UNC13A: variants seen among roughly 807,000 people sequenced by gnomAD.
The protein encoded by UNC13A is protein unc-13 homolog A.
A neutral mutation model predicts 219.7 loss-of-function variants in UNC13A; 61 were observed. That is an observed-to-expected ratio of 0.28 (90% CI 0.23 to 0.34). UNC13A has a LOEUF of 0.34. UNC13A is among the 10% of genes least tolerant of loss of function. The probability of loss-of-function intolerance (pLI) is 1.00; values close to 1 mark genes in which losing one functional copy is unlikely to be tolerated. For missense variants in UNC13A, 1,476 were observed against 2,270.3 expected (o/e 0.65, Z 7.11); for synonymous variants, 920 against 884.6 (o/e 1.04, Z -0.71).
Position 17,603,987 on chromosome 19 carries a change from T to C in UNC13A, c.*2067A>G, listed in dbSNP as rs1376211061. 6.6e-6 allele frequency: 1 copy of C among 152,224 alleles called. No individual in the cohort carries two copies. Among genetic ancestry groups the C allele is most frequent in the Non-Finnish European group, 1.5e-5 (1 of 68,076 alleles). The allele number at this position is 152,224 out of a possible 1,614,324, so 9.4% of individuals were successfully genotyped here. A position where few individuals can be genotyped will look rare whatever the true frequency, so the allele number is the denominator to read the frequency against. ...CCACTGCACCCAGCTAATTTTTGTA[T>C]TTTTAGCAGAGATGGGGTTTCGCCA... On this transcript the variant is annotated 3_prime_UTR_variant, in exon 44 of 44. Transcript: ENST00000519716.
chr19:17,671,963 T>G (rs571405501), intron 4 of UNC13A, among the ~76,000 whole-genome samples: 1 of 152,252 alleles, frequency 6.6e-6, no homozygotes, highest in African/African-American at 2.4e-5. Flanking sequence ...TAATACATTT[T>G]TAGCTGTGCC....
chr19:17,642,160 C>T (rs542882610), intron 20 of UNC13A, among the ~76,000 whole-genome samples: 5 of 152,188 alleles, frequency 3.3e-5, no homozygotes, highest in African/African-American at 1.2e-4. Context: ...ACAACTTAAT[C>T]TGCTCATCCA....
intron 25 of UNC13A, among the ~76,000 whole-genome samples, chr19:17,637,736 T>A (rs942496086): frequency 4.0e-5 from 6 of 150,436 alleles, no homozygotes; most frequent in African/African-American, 1.5e-4. Context: ...CCAACTCTAG[T>A]CAACTGAATG....
intron 41 of UNC13A, among the ~76,000 whole-genome samples, chr19:17,617,470 C>G (rs1278841917): frequency 1.3e-5 from 2 of 152,156 alleles, no homozygotes; most frequent in Non-Finnish European, 2.9e-5. Context: ...TGTCTGGCCC[C>G]AGGACATCAC....
chr19:17,638,897 T>A (rs973011999), intron 25 of UNC13A, among the ~76,000 whole-genome samples, 186 bp downstream of exon 25: 2 of 152,140 alleles, frequency 1.3e-5, no homozygotes, highest in African/African-American at 4.8e-5. Context: ...GCCGACTATA[T>A]TTTATCTAAA....
intron 41 of UNC13A, 63 bp from the exon 42 acceptor site, chr19:17,611,918 C>T: frequency 2.8e-6 from 4 of 1,424,524 alleles, no homozygotes; most frequent in Non-Finnish European, 3.9e-6. Context: ...CCAGGAGGGA[C>T]CTTGACGGCC....
At chr19:17,625,683 C>T (rs778236091) in intron 34 of UNC13A, among the ~76,000 whole-genome samples, 21 of 151,404 alleles carry the variant, frequency 1.4e-4, no homozygotes, top group Admixed American at 2.0e-4. Flanking sequence ...CCAAATATTT[C>T]TCACCTATTA....
chr19:17,602,639 G>T lies in UNC13A; in HGVS notation c.*3415C>A, dbSNP rs1348883935. On this transcript the variant is annotated 3_prime_UTR_variant, in exon 44 of 44. Coordinates refer to ENST00000519716, the MANE Select transcript of UNC13A (RefSeq NM_001080421.3). The stretch of plus-strand genomic sequence containing the variant: ...TGTTCTGCCAATACAGGAACTTCCT[G>T]ATTTCAAAAGGCTTTCAGCCCCCTG... The T allele has an allele frequency of 6.6e-6, 1 of 152,194 alleles. No individual in the cohort carries two copies. The highest frequency in any genetic ancestry group is 6.5e-5 in the Admixed American group (1 of 15,270). The allele number at this position is 152,194 out of a possible 1,614,324, so 9.4% of individuals were successfully genotyped here. A position where few individuals can be genotyped will look rare whatever the true frequency, so the allele number is the denominator to read the frequency against.
In UNC13A at chr19:17,603,827, G is replaced by A. The variant is rs1266984724; in HGVS notation, c.*2227C>T. On this transcript the variant is annotated 3_prime_UTR_variant, in exon 44 of 44. Transcript: ENST00000519716. ...TTTTTTTTTTTGGTGGGGTAGAGGGGAGGGAATGGAGTATTGTTCTGTTGC... is the reference window on the plus strand; with the variant it reads ...TTTTTTTTTTTGGTGGGGTAGAGGGAAGGGAATGGAGTATTGTTCTGTTGC... 1 of 151,606 alleles carries A rather than the reference G, an allele frequency of 6.6e-6. No individual in the cohort carries two copies. Among genetic ancestry groups the A allele is most frequent in the East Asian group, 1.9e-4 (1 of 5,166 alleles). The allele number at this position is 151,606 out of a possible 1,614,324, so 9.4% of individuals were successfully genotyped here.
At chr19:17,682,277 T>C (rs1408907185) in intron 1 of UNC13A, among the ~76,000 whole-genome samples, 1 of 152,102 alleles carries the variant, frequency 6.6e-6, no homozygotes, top group African/African-American at 2.4e-5. Context: ...TCATGTCTTT[T>C]GCTCACGATT....
chr19:17,652,836 G>T (rs535459368), intron 11 of UNC13A, among the ~76,000 whole-genome samples, 159 bp from the exon 12 acceptor site: 1 of 152,236 alleles, frequency 6.6e-6, no homozygotes, highest in South Asian at 2.1e-4. Flanking sequence ...CTATCTCTGG[G>T]CCTTAGTTTG....
intron 1 of UNC13A, among the ~76,000 whole-genome samples, chr19:17,677,323 C>T (rs892447578): frequency 3.3e-5 from 5 of 151,572 alleles, no homozygotes; most frequent in South Asian, 2.1e-4. Flanking sequence ...TTCTCCCACA[C>T]TGAGCTCTTC....
intron 1 of UNC13A, among the ~76,000 whole-genome samples, chr19:17,687,694 G>C (rs962643177): frequency 1.3e-5 from 2 of 151,780 alleles, no homozygotes; most frequent in Admixed American, 6.6e-5. Context: ...CATCCCCACG[G>C]CTTGGAGAAC....
Position 17,666,699 on chromosome 19 carries a change from C to T in UNC13A, c.474G>A (p.Ser158=), listed in dbSNP as rs9305092. 20 of 1,527,978 alleles carry T rather than the reference C, an allele frequency of 1.3e-5. No homozygotes were observed. The East Asian group carries it at 3.7e-4, about 29-fold the overall frequency. The allele number at this position is 1,527,978 out of a possible 1,614,324, so 94.7% of individuals were successfully genotyped here. ...GAGGCTTGTCTTGCTCATCTTGGAA[C>T]GAATACTGAAGGGGTGGAGGAAGGA... is the stretch of plus-strand genomic sequence containing the variant. The part of the protein sequence containing the change: ...LNAMRDQDEY[S]FQDEQDKPLP... The change falls in exon 7 of 44, where the codon TCG becomes TCA. Residue 158 remains serine (S), a synonymous_variant. Transcript: ENST00000519716.
intron 37 of UNC13A, 111 bp from the exon 38 acceptor site, chr19:17,620,833 C>A: frequency 8.0e-7 from 1 of 1,257,388 alleles, no homozygotes; most frequent in African/African-American, 1.5e-5. Context: ...CCAGGAGCTC[C>A]TCCCCAGGTC....
In UNC13A at chr19:17,645,824, C is replaced by A; in HGVS notation, c.2206G>T (p.Asp736Tyr). ...TCCCAGACGCGCACCTTGATGCGGT[C>A]GGAGGAATTGTGACATTCACTGTGG... ...NFHFECHNSS[D>Y]RIKVRVWDED... is the part of the protein sequence containing the mutation. The change falls in exon 19 of 44, where the codon GAC becomes TAC. Residue 736 changes from aspartate (D) to tyrosine (Y), a missense_variant. By Grantham distance (160) the Asp-to-Tyr change is radical. Around this residue, in one of 14 missense-constraint regions of UNC13A, gnomAD observed 66 missense variants for 224.3 expected, o/e 0.29. Transcript: ENST00000519716. 6.2e-7 allele frequency: 1 copy of A among 1,610,974 alleles called. No homozygotes were observed. Among genetic ancestry groups the A allele is most frequent in the Non-Finnish European group, 8.5e-7 (1 of 1,178,602 alleles).
intron 4 of UNC13A, among the ~76,000 whole-genome samples, chr19:17,669,954 T>C (rs1395404842): frequency 2.1e-5 from 3 of 144,746 alleles, no homozygotes; most frequent in African/African-American, 7.6e-5. Flanking sequence ...TTTTCTTTTT[T>C]TTTTTTTTTT....
At chr19:17,646,269 G>GTGTTTGTTTGTT (rs3049772) in intron 17 of UNC13A, among the ~76,000 whole-genome samples, 158 bp from the exon 18 acceptor site, 234 of 150,856 alleles carry the variant, frequency 1.6e-3, no homozygotes, top group South Asian at 2.9e-3. Flanking sequence ...GGTTTTTTGT[G>GTGTTTGTTTGTT]TGTTTGTTTG....
intron 7 of UNC13A, among the ~76,000 whole-genome samples, chr19:17,665,475 G>A (rs2079623716): frequency 6.6e-6 from 1 of 152,210 alleles, no homozygotes; most frequent in Admixed American, 6.6e-5. Flanking sequence ...GAAATAGGAA[G>A]AGGAACGTGA....
Sources: allele counts gnomAD v4.1 joint callset (sites outside exome capture counted in the v4.1 genomes callset), GRCh38; gene constraint gnomAD v4.1.1; regional missense constraint gnomAD v4.1.1; transcripts MANE v1.5; gene names NCBI Gene and HGNC (gene_info 2026-07-23, HGNC 2026-07-21).